Variants in TENM3 observed in about 807,000 individuals in gnomAD.
TENM3 encodes the protein teneurin-3.
Under a neutral mutation model 255.1 loss-of-function variants are expected in TENM3, and 63 were observed. That is an observed-to-expected ratio of 0.25 (90% CI 0.20 to 0.30). TENM3 has a LOEUF of 0.30. Ranked by LOEUF, TENM3 falls within the 10% of genes least tolerant of loss-of-function variation. TENM3 has a pLI of 1.00. For missense variants in TENM3, 2,929 were observed against 3,461.1 expected, an observed-to-expected ratio of 0.85 and a Z score of 3.86; for synonymous variants, 1,306 against 1,322.3, an observed-to-expected ratio of 0.99 and a Z score of 0.27.
chr4:182,719,863 T>C (rs1759563297), intron 13 of TENM3, among the ~76,000 whole-genome samples: 1 of 151,998 alleles, frequency 6.6e-6, no homozygotes. Context: ...GAGTTTGATA[T>C]CAGCCTGGCC....
the TENM3 span, among the ~76,000 whole-genome samples, chr4:181,594,694 T>G: frequency 5.5e-5 from 7 of 127,120 alleles, no homozygotes; most frequent in Non-Finnish European, 1.1e-4. Context: ...ATCCTTTTCT[T>G]CAGTGCCAAT....
At chr4:182,047,412 A>AC in the TENM3 span, among the ~76,000 whole-genome samples, 1 of 151,942 alleles carries the variant, frequency 6.6e-6, no homozygotes, top group Non-Finnish European at 1.5e-5. Context: ...AATACAAAAA[A>AC]TTAGCGGGGC....
the TENM3 span, among the ~76,000 whole-genome samples, chr4:181,506,518 T>A: frequency 6.6e-6 from 1 of 152,202 alleles, no homozygotes; most frequent in East Asian, 1.9e-4. Context: ...AAGATATTCA[T>A]CATGGAGAAG....
rs397879537 is a variant in TENM3 at position 182,785,712 on chromosome 4, TAAAAAAAAAAA to T, written c.5305-3370_5305-3360del. Among the ~76,000 whole-genome samples, 3 of 60,086 alleles carry T rather than the reference TAAAAAAAAAAA, an allele frequency of 5.0e-5. No homozygotes were observed. In the South Asian group the frequency reaches 3.0e-3, roughly 60 times the overall value. 39.4% of individuals were successfully genotyped at this position (60,086 alleles called of 152,430 possible). A position where few individuals can be genotyped will look rare whatever the true frequency, so the allele number is the denominator to read the frequency against. ...GTCCCAGCCAGACCCTGTCTCAAGA[TAAAAAAAAAAA>T]AAAAAAAAAAGCCACTGAAGCCTGG... On this transcript the variant is annotated intron_variant, in intron 24 of 27. Transcript: ENST00000511685.
intron 3 of TENM3, among the ~76,000 whole-genome samples, chr4:182,385,387 C>G (rs1018844888): frequency 1.3e-5 from 2 of 150,814 alleles, no homozygotes; most frequent in Admixed American, 1.3e-4. Flanking sequence ...GTCTCAGCCT[C>G]CTGTGTAGCT....
At chr4:181,604,219 C>T in the TENM3 span, among the ~76,000 whole-genome samples, 7 of 152,040 alleles carry the variant, frequency 4.6e-5, no homozygotes, top group South Asian at 6.2e-4. Flanking sequence ...GAGCCGAGAT[C>T]GCGCCACAGC....
At chr4:182,000,411 C>T in the TENM3 span, among the ~76,000 whole-genome samples, 1 of 151,984 alleles carries the variant, frequency 6.6e-6, no homozygotes, top group Admixed American at 6.6e-5. Flanking sequence ...AGAACCTGTC[C>T]TTTGAAAGGA....
chr4:182,182,108 A>G (rs539109294), intron 1 of TENM3, among the ~76,000 whole-genome samples: 1 of 152,256 alleles, frequency 6.6e-6, no homozygotes, highest in Admixed American at 6.5e-5. Context: ...GCAGTGTCCA[A>G]CTGGATGGTT....
the TENM3 span, among the ~76,000 whole-genome samples, chr4:181,760,459 G>A: frequency 3.3e-5 from 5 of 152,214 alleles, no homozygotes; most frequent in South Asian, 1.0e-3. Context: ...GACCACGATT[G>A]TGTAATTTCC....
intron 3 of TENM3, among the ~76,000 whole-genome samples, chr4:182,361,625 AT>A (rs1392816869): frequency 1.3e-5 from 2 of 151,332 alleles, no homozygotes. Context: ...ATTCGTCTAA[AT>A]TTTTTTCAAA....
At chr4:182,205,936 A>T (rs909424964) in intron 1 of TENM3, among the ~76,000 whole-genome samples, 1 of 152,150 alleles carries the variant, frequency 6.6e-6, no homozygotes, top group Non-Finnish European at 1.5e-5. Context: ...TACATCCGGA[A>T]CATGGACTGC....
chr4:181,596,382 C>T, the TENM3 span, among the ~76,000 whole-genome samples: 3 of 152,010 alleles, frequency 2.0e-5, no homozygotes, highest in African/African-American at 7.2e-5. Context: ...CTTACAGATC[C>T]CAGTTTTGGG....
At chr4:182,521,921 C>T (rs1237203744) in intron 3 of TENM3, among the ~76,000 whole-genome samples, 3 of 152,074 alleles carry the variant, frequency 2.0e-5, no homozygotes, top group Non-Finnish European at 4.4e-5. Flanking sequence ...CTAGATCAAA[C>T]AGAAAATAGT....
At chr4:182,290,359 C>G (rs1009246992) in intron 1 of TENM3, among the ~76,000 whole-genome samples, 1 of 152,160 alleles carries the variant, frequency 6.6e-6, no homozygotes, top group Non-Finnish European at 1.5e-5. Flanking sequence ...TGAGCAGTTG[C>G]TTGTATTTTG....
chr4:182,800,487 G>A lies in TENM3; in HGVS notation c.*136G>A. On this transcript the variant is annotated 3_prime_UTR_variant, in exon 28 of 28. Transcript: ENST00000511685. ...TGCTGTTACGACCCACACCCACACCGCGAAAACAAGGACCGCTTTTTTCCG... is the reference window on the plus strand; with the variant it reads ...TGCTGTTACGACCCACACCCACACCACGAAAACAAGGACCGCTTTTTTCCG... 8.9e-7 allele frequency: 1 copy of A among 1,121,670 alleles called. No homozygotes were observed. The highest frequency in any genetic ancestry group is 2.8e-5 in the East Asian group (1 of 35,758). 69.5% of individuals were successfully genotyped at this position (1,121,670 alleles called of 1,614,324 possible).
the TENM3 span, among the ~76,000 whole-genome samples, chr4:181,794,810 A>G: frequency 2.6e-5 from 4 of 152,038 alleles, no homozygotes; most frequent in Admixed American, 1.3e-4. Context: ...CACACTTAGG[A>G]TTCATTTCAG....
chr4:182,403,446 G>A (rs1769338540), intron 3 of TENM3, among the ~76,000 whole-genome samples: 1 of 152,162 alleles, frequency 6.6e-6, no homozygotes, highest in African/African-American at 2.4e-5. Flanking sequence ...ACAAATGCAA[G>A]AATAGTGTAT....
rs1249487687 is a variant in TENM3 at position 182,653,910 on chromosome 4, T to C, written c.1111+17T>C. 1.3e-6 allele frequency: 2 copies of C among 1,593,236 alleles called. No individual in the cohort carries two copies. The highest frequency in any genetic ancestry group is 1.3e-5 in the African/African-American group (1 of 74,106). Reference sequence around the variant, plus strand: ...GAGACAATGGTAAGCGAAAGAATTATGTATCCTGTGTTTCTCTTTTAACAT... The same window carrying C: ...GAGACAATGGTAAGCGAAAGAATTACGTATCCTGTGTTTCTCTTTTAACAT... On this transcript the variant is annotated intron_variant, in intron 6 of 27. Coordinates refer to ENST00000511685, the MANE Select transcript of TENM3 (RefSeq NM_001080477.4).
At chr4:182,098,660 A>G in the TENM3 span, among the ~76,000 whole-genome samples, 1 of 152,190 alleles carries the variant, frequency 6.6e-6, no homozygotes, top group African/African-American at 2.4e-5. Context: ...TGTGGTAGCC[A>G]GAGGCTGAGA....
Sources: gnomAD v4.1 joint callset for allele counts (sites outside exome capture counted in the v4.1 genomes callset) on GRCh38, gnomAD v4.1.1 for gene constraint, MANE v1.5 for transcripts, NCBI Gene and HGNC (gene_info 2026-07-23, HGNC 2026-07-21) for gene names.